The following NEB variants were observed in gnomAD, a reference collection of about 807,000 sequenced individuals.
NEB encodes nebulin.
A neutral mutation model predicts 952.2 loss-of-function variants in NEB; 512 were observed. That is an observed-to-expected ratio of 0.54 (90% CI 0.50 to 0.58). The LOEUF is 0.58. Among genes scored for constraint, NEB ranks in the 20% least tolerant of loss-of-function variants. NEB has a pLI of 0.00. For missense variants in NEB, 8,428 were observed against 9,231.1 expected, an observed-to-expected ratio of 0.91 and a Z score of 3.56; for synonymous variants, 2,900 against 3,149.8, an observed-to-expected ratio of 0.92 and a Z score of 2.66.
Position 151,666,075 on chromosome 2 carries a change from G to T in NEB, c.5031+15C>A. The T allele has an allele frequency of 6.3e-7, 1 of 1,593,688 alleles. No homozygotes were observed. On this transcript the variant is annotated intron_variant, in intron 41 of 181. Transcript: ENST00000397345. ...CCCATTAGAAATGGATAACAACTTGGTAACCAGTACATACATCACTCTGAA... is the reference window on the plus strand; with the variant it reads ...CCCATTAGAAATGGATAACAACTTGTTAACCAGTACATACATCACTCTGAA...
Position 151,662,183 on chromosome 2 carries a change from G to A in NEB, c.5922C>T (p.Asp1974=), listed in dbSNP as rs1458776067. The A allele has an allele frequency of 6.2e-7, 1 of 1,613,510 alleles. No individual in the cohort carries two copies. The highest frequency in any genetic ancestry group is 1.7e-4 in the Middle Eastern group (1 of 6,056). The change falls in exon 46 of 182, where the codon GAC becomes GAT. Residue 1974 remains aspartate (D), a synonymous_variant. Transcript: ENST00000397345. Reference sequence around the variant, plus strand: ...TCTGGGCCAAAACCATGTTCATCGAGTCCATGAGTGTGGAATACTTCAAAG... The same window carrying A: ...TCTGGGCCAAAACCATGTTCATCGAATCCATGAGTGTGGAATACTTCAAAG... ...PDTLKYSTLM[D]SMNMVLAQNN... is the part of the protein sequence containing the mutation.
At chr2:151,497,075 C>G in intron 171 of NEB, 42 bp from the exon 172 acceptor site, 1 of 1,541,396 alleles carries the variant, frequency 6.5e-7, no homozygotes, top group Non-Finnish European at 8.8e-7. Context: ...CCATGAGTAA[C>G]ATTTCATTTG....
chr2:151,628,620 C>A (rs187997329), intron 68 of NEB, among the ~76,000 whole-genome samples: 1 of 152,042 alleles, frequency 6.6e-6, no homozygotes, highest in South Asian at 2.1e-4. Flanking sequence ...GGAGGCGGAT[C>A]GCCTGAGGTC....
At chr2:151,667,237 A>T (rs746625486) in intron 40 of NEB, among the ~76,000 whole-genome samples, 27 of 151,910 alleles carry the variant, frequency 1.8e-4, no homozygotes, top group Non-Finnish European at 3.2e-4. Flanking sequence ...ATACTTGGAG[A>T]CTTTTCTAAT....
rs987095354 is a variant in NEB, at chr2:151,725,320, C to T, written c.402+133G>A. The T allele has an allele frequency of 7.6e-5, 57 of 754,080 alleles. No individual in the cohort carries two copies. The Admixed American group carries it at 8.9e-4, about 12-fold the overall frequency. 46.7% of individuals were successfully genotyped at this position (754,080 alleles called of 1,614,324 possible). A position where few individuals can be genotyped will look rare whatever the true frequency, so the allele number is the denominator to read the frequency against. On this transcript the variant is annotated intron_variant, in intron 6 of 181. Transcript: ENST00000397345. ...ACAGCAACATGATCTATGGTTCATGCTTTTCTAGATTTGTGAACTAGCTCA... is the reference window on the plus strand; with the variant it reads ...ACAGCAACATGATCTATGGTTCATGTTTTTCTAGATTTGTGAACTAGCTCA...
chr2:151,498,071 TG>T (rs2061513597), intron 170 of NEB, 188 bp downstream of exon 170: 138 of 1,459,732 alleles, frequency 9.5e-5, no homozygotes, highest in Non-Finnish European at 1.2e-4. Context: ...CATGTTTGTT[TG>T]TAAATATCAG....
chr2:151,696,049 G>A (rs1311308146), intron 17 of NEB, among the ~76,000 whole-genome samples: 1 of 152,154 alleles, frequency 6.6e-6, no homozygotes, highest in Non-Finnish European at 1.5e-5. Context: ...ACAGACATCA[G>A]GGCTTTTGAT....
chr2:151,566,358 A>G (rs1226699040), intron 114 of NEB, among the ~76,000 whole-genome samples: 1 of 152,200 alleles, frequency 6.6e-6, no homozygotes, highest in African/African-American at 2.4e-5. Context: ...TCGACATGAA[A>G]ATAAGAAGAG....
intron 54 of NEB, among the ~76,000 whole-genome samples, chr2:151,649,379 A>G (rs895010079): frequency 6.6e-6 from 1 of 152,180 alleles, no homozygotes; most frequent in Non-Finnish European, 1.5e-5. Context: ...TATATGATAT[A>G]TGTAAAGTGT....
At chr2:151,719,006 T>C (rs2099766970) in intron 9 of NEB, among the ~76,000 whole-genome samples, 1 of 152,154 alleles carries the variant, frequency 6.6e-6, no homozygotes, top group Admixed American at 6.5e-5. Context: ...TTCCTCTCCA[T>C]GGCTCAGGAC....
At position 151,692,433 on chromosome 2, in the gene NEB, T is replaced by C. The variant is rs1312253350; in HGVS notation, c.1897-71A>G. The stretch of plus-strand genomic sequence containing the variant: ...TCTCATAAAGTAAAAGTCATTCATG[T>C]CTTTGCTGCACTTTAACTGAAGGGG... On this transcript the variant is annotated intron_variant, in intron 20 of 181. Coordinates refer to ENST00000397345, the MANE Select transcript of NEB (RefSeq NM_001164508.2). 7.4e-6 allele frequency: 9 copies of C among 1,223,162 alleles called. No homozygotes were observed. In the South Asian group the frequency reaches 1.1e-4, roughly 16 times the overall value. 75.8% of individuals were successfully genotyped at this position (1,223,162 alleles called of 1,614,324 possible).
intron 181 of NEB, among the ~76,000 whole-genome samples, chr2:151,486,959 A>C (rs2051020441): frequency 6.6e-6 from 1 of 152,222 alleles, no homozygotes; most frequent in South Asian, 2.1e-4. Context: ...AAGTATTCTA[A>C]AATTAGATTA....
chr2:151,509,101 C>G (rs1219975610), intron 161 of NEB, among the ~76,000 whole-genome samples: 1 of 152,128 alleles, frequency 6.6e-6, no homozygotes, highest in Admixed American at 6.5e-5. Context: ...TCTCTATGTA[C>G]TTTGTTAATA....
intron 27 of NEB, among the ~76,000 whole-genome samples, chr2:151,685,395 T>C (rs1056195093): frequency 1.3e-5 from 2 of 152,204 alleles, no homozygotes; most frequent in Admixed American, 1.3e-4. Flanking sequence ...GACTACTTCA[T>C]ACACAGGGCT....
Position 151,642,581 on chromosome 2 carries a change from G to A in NEB, c.8366C>T (p.Ala2789Val). Residue 2789 changes from alanine (A) to valine (V), a missense_variant, in exon 60 of 182, where the codon GCA becomes GTA. By Grantham distance (64) the Ala-to-Val change is moderately conservative (BLOSUM62 0). Coordinates refer to ENST00000397345, the MANE Select transcript of NEB (RefSeq NM_001164508.2). ...CTTTCCAAGTATACTTACTTCACTTGCAATATCTCTGGAGGCCTTGGCTGC... is the reference window on the plus strand; with the variant it reads ...CTTTCCAAGTATACTTACTTCACTTACAATATCTCTGGAGGCCTTGGCTGC... The part of the protein sequence containing the change: ...IKAAKASRDI[A>V]SEFKYKEGYR... 1.2e-6 allele frequency: 2 copies of A among 1,610,350 alleles called. No homozygotes were observed. The highest frequency in any genetic ancestry group is 1.1e-5 in the South Asian group (1 of 90,488).
chr2:151,629,081 A>C (rs1478921105), intron 68 of NEB, among the ~76,000 whole-genome samples: 1 of 152,208 alleles, frequency 6.6e-6, no homozygotes, highest in East Asian at 1.9e-4. Flanking sequence ...TCCAAAAAAA[A>C]ATGAGTTGGC....
intron 8 of NEB, among the ~76,000 whole-genome samples, 186 bp downstream of exon 8, chr2:151,724,074 G>T (rs1462937707): frequency 6.6e-6 from 1 of 152,016 alleles, no homozygotes; most frequent in Non-Finnish European, 1.5e-5. Context: ...TCCCCACTCT[G>T]CCTAGGAGCT....
At position 151,724,449 on chromosome 2, in the gene NEB, G is replaced by C. The variant is rs1483115988; in HGVS notation, c.508-85C>G. On this transcript the variant is annotated intron_variant, in intron 7 of 181. Transcript: ENST00000397345. Reference sequence around the variant, plus strand: ...AAACAACAAAGGGAGACTCATGAAGGCATGCTTGCTCAGAGGTTGCCAATG... The same window carrying C: ...AAACAACAAAGGGAGACTCATGAAGCCATGCTTGCTCAGAGGTTGCCAATG... 3 of 1,033,122 alleles carry C rather than the reference G, an allele frequency of 2.9e-6. No homozygotes were observed. In the African/African-American group the frequency reaches 4.7e-5, roughly 16 times the overall value. 64.0% of individuals were successfully genotyped at this position (1,033,122 alleles called of 1,614,324 possible).
intron 18 of NEB, 55 bp from the exon 19 acceptor site, chr2:151,694,684 C>T (rs905550439): frequency 2.9e-6 from 4 of 1,361,430 alleles, no homozygotes; most frequent in South Asian, 1.2e-5. Context: ...ATGTCACGAC[C>T]TTTAAAGACT....
Sources: allele counts gnomAD v4.1 joint callset (sites outside exome capture counted in the v4.1 genomes callset), GRCh38; gene constraint gnomAD v4.1.1; transcripts MANE v1.5; gene names NCBI Gene and HGNC (gene_info 2026-07-23, HGNC 2026-07-21).